Variants in PI4KA observed in about 807,000 individuals in gnomAD.
PI4KA encodes the protein phosphatidylinositol 4-kinase alpha, also known as PI4-kinase alpha.
Under a neutral mutation model 271.4 loss-of-function variants are expected in PI4KA, and 122 were observed. That is an observed-to-expected ratio of 0.45 (90% CI 0.39 to 0.52). PI4KA has a LOEUF of 0.52. PI4KA is among the 20% of genes least tolerant of loss of function. The probability of loss-of-function intolerance (pLI) is 0.00; values close to 1 mark genes in which losing one functional copy is unlikely to be tolerated. For missense variants in PI4KA, 1,969 were observed against 2,769.1 expected (o/e 0.71, Z 6.48); for synonymous variants, 1,041 against 1,078.8 (o/e 0.96, Z 0.69).
rs778265487 is a variant in PI4KA, at chr22:20,732,287, G to C, written c.4288+684C>G. Among the ~76,000 whole-genome samples, 17 of 152,242 alleles carry C rather than the reference G, an allele frequency of 1.1e-4. 1 individual carries two copies. Among genetic ancestry groups the C allele is most frequent in the Non-Finnish European group, 1.9e-4 (13 of 68,034 alleles). ...TCCAGCTACTCAGGAGGCTGAGGCA[G>C]GAGAATCGCCTGAACCCAGGAGGCA... On this transcript the variant is annotated intron_variant, in intron 36 of 54. Coordinates refer to ENST00000255882, the MANE Select transcript of PI4KA (RefSeq NM_058004.4).
At chr22:20,721,506 TAG>T (rs1926734052) in intron 42 of PI4KA, 88 bp from the exon 43 acceptor site, 12 of 1,446,886 alleles carry the variant, frequency 8.3e-6, no homozygotes, top group Non-Finnish European at 1.2e-5. Flanking sequence ...CGGCATTTGG[TAG>T]ACCAGGCAAG....
chr22:20,796,529 G>A (rs1179928858), intron 17 of PI4KA, among the ~76,000 whole-genome samples: 2 of 152,214 alleles, frequency 1.3e-5, no homozygotes, highest in African/African-American at 4.8e-5. Flanking sequence ...ATGCAGAAAT[G>A]ACTGCAATCC....
rs1452527732 is a variant in PI4KA, at chr22:20,789,796, A to C, written c.2328+3397T>G. Among the ~76,000 whole-genome samples the C allele has an allele frequency of 1.2e-4, 18 of 152,202 alleles. 1 individual carries two copies. On this transcript the variant is annotated intron_variant, in intron 19 of 54. Coordinates refer to ENST00000255882, the MANE Select transcript of PI4KA (RefSeq NM_058004.4). Reference sequence around the variant, plus strand: ...TTACATGCAAAATCTTGAGAGTAATAAGGATTTCCATGGACAGAGAGTGCA... The same window carrying C: ...TTACATGCAAAATCTTGAGAGTAATCAGGATTTCCATGGACAGAGAGTGCA...
intron 5 of PI4KA, 140 bp from the exon 6 acceptor site, chr22:20,820,040 T>C: frequency 1.3e-6 from 1 of 747,320 alleles, no homozygotes; most frequent in Non-Finnish European, 2.2e-6. Context: ...GCCACAATAA[T>C]GGGGTCCACC....
intron 45 of PI4KA, among the ~76,000 whole-genome samples, chr22:20,717,166 C>G (rs1264571419): frequency 1.3e-5 from 2 of 152,102 alleles, no homozygotes; most frequent in Non-Finnish European, 2.9e-5. Flanking sequence ...CAGCGAAACT[C>G]CATCTCAAAA....
At chr22:20,713,144 A>G in intron 48 of PI4KA, 137 bp downstream of exon 48, 1 of 744,840 alleles carries the variant, frequency 1.3e-6, no homozygotes, top group Non-Finnish European at 2.3e-6. Context: ...GCCCTAATTT[A>G]CCCCGTGGCA....
At chr22:20,852,057 G>A (rs1048166558) in intron 1 of PI4KA, among the ~76,000 whole-genome samples, 1 of 152,190 alleles carries the variant, frequency 6.6e-6, no homozygotes. Flanking sequence ...CCAGGAGGCA[G>A]AGCTTGCAGT....
At chr22:20,746,278 G>A (rs1437583622) in intron 29 of PI4KA, among the ~76,000 whole-genome samples, 1 of 151,868 alleles carries the variant, frequency 6.6e-6, no homozygotes, top group East Asian at 1.9e-4. Context: ...TGGCCAGGAT[G>A]GTCTCGATCC....
At chr22:20,712,425 G>T in intron 50 of PI4KA, 61 bp downstream of exon 50, 2 of 1,591,066 alleles carry the variant, frequency 1.3e-6, no homozygotes, top group South Asian at 2.3e-5. Context: ...GGCTGGGTAT[G>T]GGTGGCTGGG....
chr22:20,841,069 A>G (rs1925492978), intron 1 of PI4KA, among the ~76,000 whole-genome samples: 1 of 152,172 alleles, frequency 6.6e-6, no homozygotes, highest in Non-Finnish European at 1.5e-5. Context: ...GAAGCCAGCT[A>G]AAACCCACCA....
chr22:20,752,234 A>C (rs1930779748), intron 25 of PI4KA, among the ~76,000 whole-genome samples: 1 of 152,210 alleles, frequency 6.6e-6, no homozygotes, highest in South Asian at 2.1e-4. Context: ...AGCCCAGCTC[A>C]GACACACGCC....
chr22:20,714,159 T>C (rs939789224), intron 47 of PI4KA, among the ~76,000 whole-genome samples: 21 of 152,080 alleles, frequency 1.4e-4, no homozygotes, highest in African/African-American at 4.6e-4. Context: ...AGATCGTCCG[T>C]ACGGTAGCCC....
intron 39 of PI4KA, 58 bp from the exon 40 acceptor site, chr22:20,727,922 A>G (rs1927564391): frequency 7.6e-7 from 1 of 1,308,600 alleles, no homozygotes; most frequent in South Asian, 1.2e-5. Context: ...GCACTCTCCC[A>G]CCACACTGGA....
Position 20,710,099 on chromosome 22 carries a change from C to T in PI4KA, c.6084-102G>A, listed in dbSNP as rs5760150. Reference sequence around the variant, plus strand: ...TGATGCCAACAGCCTCAGGTGTGGGCTCCTGCCACCCACCTCGCCTGCCAC... The same window carrying T: ...TGATGCCAACAGCCTCAGGTGTGGGTTCCTGCCACCCACCTCGCCTGCCAC... On this transcript the variant is annotated intron_variant, in intron 52 of 54. Coordinates refer to ENST00000255882, the MANE Select transcript of PI4KA (RefSeq NM_058004.4). 107,967 of 693,592 alleles carry T rather than the reference C, an allele frequency of 0.16. 9,185 individuals are homozygous for T. The highest frequency in any genetic ancestry group is 0.22 in the Middle Eastern group (740 of 3,372). The allele number at this position is 693,592 out of a possible 1,614,324, so 43.0% of individuals were successfully genotyped here. A position where few individuals can be genotyped will look rare whatever the true frequency, so the allele number is the denominator to read the frequency against.
intron 2 of PI4KA, among the ~76,000 whole-genome samples, chr22:20,836,769 C>G (rs1453709222): frequency 6.6e-6 from 1 of 152,140 alleles, no homozygotes; most frequent in Non-Finnish European, 1.5e-5. Flanking sequence ...CCTGGACATA[C>G]AGGCAAACTC....
At chr22:20,749,855 T>C (rs1397085586) in intron 28 of PI4KA, 50 bp downstream of exon 28, 2 of 1,114,816 alleles carry the variant, frequency 1.8e-6, no homozygotes, top group Non-Finnish European at 2.8e-6. Context: ...AAAGCTTTTT[T>C]GGGAGTTTGA....
chr22:20,751,532 C>A, intron 26 of PI4KA, 142 bp downstream of exon 26: 6 of 941,084 alleles, frequency 6.4e-6, no homozygotes, highest in Non-Finnish European at 1.0e-5. Flanking sequence ...TGGGCCCCCT[C>A]ACCCCCAACT....
intron 1 of PI4KA, among the ~76,000 whole-genome samples, chr22:20,843,166 T>A (rs1056240735): frequency 2.0e-5 from 3 of 152,126 alleles, no homozygotes; most frequent in Non-Finnish European, 4.4e-5. Context: ...TTTCCCATAT[T>A]TTCTATAAAA....
chr22:20,766,820 G>A (rs1932578917), intron 19 of PI4KA, among the ~76,000 whole-genome samples: 2 of 152,170 alleles, frequency 1.3e-5, no homozygotes, highest in African/African-American at 4.8e-5. Context: ...CCTGGTATGG[G>A]CCAGGCACTG....
Sources: allele counts gnomAD v4.1 joint callset (sites outside exome capture counted in the v4.1 genomes callset), GRCh38; gene constraint gnomAD v4.1.1; transcripts MANE v1.5; gene names NCBI Gene and HGNC (gene_info 2026-07-23, HGNC 2026-07-21).